SLC41A2: variants seen among roughly 807,000 people sequenced by gnomAD.
SLC41A2 encodes solute carrier family 41 member 2, also known as SLC41A1-like 1.
In SLC41A2, 32 loss-of-function variants were observed where a neutral mutation model predicts 58.3. The ratio of observed to expected loss-of-function variants is 0.55; its 90% CI spans 0.41 to 0.74. The LOEUF is 0.74. Among genes scored for constraint, SLC41A2 ranks in the 30% least tolerant of loss-of-function variants. SLC41A2 has a pLI of 0.00. For synonymous variants in SLC41A2, 190 were observed against 235.0 expected (o/e 0.81, Z 1.75); for missense variants, 514 against 680.6 (o/e 0.76, Z 2.72).
chr12:104,938,686 TAC>T (rs1302159219), intron 1 of SLC41A2, among the ~76,000 whole-genome samples: 2 of 152,072 alleles, frequency 1.3e-5, no homozygotes, highest in Non-Finnish European at 2.9e-5. Flanking sequence ...ATCAACAGGG[TAC>T]ACATAACAGG....
intron 1 of SLC41A2, among the ~76,000 whole-genome samples, chr12:104,933,577 C>T (rs187668114): frequency 3.4e-5 from 5 of 149,134 alleles, no homozygotes; most frequent in East Asian, 4.2e-4. Context: ...GACACTTGCA[C>T]GCGTATGTTT....
intron 2 of SLC41A2, among the ~76,000 whole-genome samples, chr12:104,925,959 T>C (rs893689401): frequency 3.9e-5 from 6 of 152,206 alleles, no homozygotes; most frequent in Admixed American, 3.9e-4. Flanking sequence ...CTCTCTTTGG[T>C]ATTATTATCT....
At chr12:104,908,655 T>G (rs192260295) in intron 3 of SLC41A2, among the ~76,000 whole-genome samples, 38 of 152,320 alleles carry the variant, frequency 2.5e-4, no homozygotes, top group African/African-American at 8.4e-4. Context: ...AGCTACGTGG[T>G]TTTAACCATA....
At chr12:104,811,437 T>A (rs1317444971) in intron 10 of SLC41A2, among the ~76,000 whole-genome samples, 1 of 152,188 alleles carries the variant, frequency 6.6e-6, no homozygotes, top group African/African-American at 2.4e-5. Context: ...AAAACTATGT[T>A]GTTTATAGAT....
chr12:104,912,091 G>A (rs2046112828), intron 2 of SLC41A2, among the ~76,000 whole-genome samples: 1 of 152,180 alleles, frequency 6.6e-6, no homozygotes, highest in African/African-American at 2.4e-5. Flanking sequence ...AGATAGGTAT[G>A]ATTTTTATCA....
chr12:104,900,545 G>A (rs1213968978), intron 3 of SLC41A2, among the ~76,000 whole-genome samples: 2 of 152,182 alleles, frequency 1.3e-5, no homozygotes, highest in African/African-American at 4.8e-5. Context: ...CAGAAATGGG[G>A]AGGAAAACCT....
At chr12:104,832,368 A>G (rs1463842408) in intron 10 of SLC41A2, among the ~76,000 whole-genome samples, 1 of 152,224 alleles carries the variant, frequency 6.6e-6, no homozygotes, top group Non-Finnish European at 1.5e-5. Context: ...AGCCAATTCA[A>G]GGATATGACT....
At position 104,928,381 on chromosome 12, in the gene SLC41A2, A is replaced by C. The variant is rs773824319; in HGVS notation, c.147T>G (p.Ile49Met). The C allele has an allele frequency of 8.2e-6, 13 of 1,587,046 alleles. No individual in the cohort carries two copies. The highest frequency in any genetic ancestry group is 1.1e-5 in the Non-Finnish European group (13 of 1,164,696). Residue 49 changes from isoleucine to methionine, a missense_variant, in exon 2 of 11, where the codon ATT becomes ATG. This residue lies in a region of SLC41A2 where 336 missense variants were observed against 430.0 expected (regional missense o/e 0.78). Transcript: ENST00000258538. ...GCCTGTCTTCTTGGTTTTTCTGGTAAATCACTGGAACCATACTCAAGAGTA... is the reference window on the plus strand; with the variant it reads ...GCCTGTCTTCTTGGTTTTTCTGGTACATCACTGGAACCATACTCAAGAGTA... Reference protein sequence around the residue: ...LNLLLSMVPVIYQKNQEDRHK... With the variant: ...LNLLLSMVPVMYQKNQEDRHK...
intron 3 of SLC41A2, among the ~76,000 whole-genome samples, chr12:104,899,132 G>A (rs1490303688): frequency 6.6e-6 from 1 of 151,844 alleles, no homozygotes; most frequent in Non-Finnish European, 1.5e-5. Context: ...TTTTTTTATA[G>A]TTACTAGTTC....
chr12:104,901,022 TA>T (rs1388328159), intron 3 of SLC41A2, among the ~76,000 whole-genome samples: 1 of 152,184 alleles, frequency 6.6e-6, no homozygotes, highest in Non-Finnish European at 1.5e-5. Flanking sequence ...GGCTCAAAAA[TA>T]TTTTTGCAAT....
intron 1 of SLC41A2, among the ~76,000 whole-genome samples, chr12:104,930,990 G>T (rs1237554422): frequency 2.0e-5 from 3 of 152,168 alleles, no homozygotes; most frequent in African/African-American, 4.8e-5. Flanking sequence ...TGCAGAGATG[G>T]ATACTCAACC....
At chr12:104,878,297 TTTTATATATATA>T (rs2135582690) in intron 6 of SLC41A2, among the ~76,000 whole-genome samples, 1 of 64,146 alleles carries the variant, frequency 1.6e-5, no homozygotes, top group East Asian at 5.4e-4. Flanking sequence ...TATACCTGTA[TTTTATATATATA>T]TATATATATA....
chr12:104,957,463 G>C (rs1307310920), intron 1 of SLC41A2, among the ~76,000 whole-genome samples: 3 of 152,022 alleles, frequency 2.0e-5, no homozygotes, highest in Non-Finnish European at 4.4e-5. Flanking sequence ...AAAACTCTGT[G>C]AATATATTAA....
chr12:104,957,160 C>T (rs577816134), intron 1 of SLC41A2, among the ~76,000 whole-genome samples: 1 of 149,476 alleles, frequency 6.7e-6, no homozygotes, highest in Admixed American at 6.8e-5. Context: ...GATGAATAAA[C>T]AAATGTGGTA....
chr12:104,841,781 G>C (rs760230722), intron 10 of SLC41A2, among the ~76,000 whole-genome samples: 2 of 152,046 alleles, frequency 1.3e-5, no homozygotes, highest in African/African-American at 2.4e-5. Context: ...GGAATTAGCA[G>C]GGAAGCTCCT....
chr12:104,829,308 T>A (rs1401385686), intron 10 of SLC41A2, among the ~76,000 whole-genome samples: 1 of 152,164 alleles, frequency 6.6e-6, no homozygotes, highest in East Asian at 1.9e-4. Flanking sequence ...GGACTACTAC[T>A]CAGCAATAAA....
chr12:104,879,801 A>C (rs1429773193), intron 6 of SLC41A2, among the ~76,000 whole-genome samples: 1 of 152,026 alleles, frequency 6.6e-6, no homozygotes, highest in Non-Finnish European at 1.5e-5. Flanking sequence ...TTCCATATGA[A>C]CTTTAAAGTA....
intron 10 of SLC41A2, among the ~76,000 whole-genome samples, chr12:104,811,271 T>TATC (rs1443082125): frequency 2.0e-5 from 3 of 152,206 alleles, no homozygotes; most frequent in African/African-American, 7.2e-5. Flanking sequence ...CAAAAAATTG[T>TATC]ATCTATTGAC....
At chr12:104,871,550 G>A (rs2043776292) in intron 6 of SLC41A2, among the ~76,000 whole-genome samples, 1 of 152,166 alleles carries the variant, frequency 6.6e-6, no homozygotes, top group Admixed American at 6.5e-5. Context: ...TTCTAGCCAT[G>A]TGTTGCCATT....
Sources: gnomAD v4.1 joint callset for allele counts (sites outside exome capture counted in the v4.1 genomes callset) on GRCh38, gnomAD v4.1.1 for gene constraint, gnomAD v4.1.1 regional missense constraint, MANE v1.5 for transcripts, NCBI Gene and HGNC (gene_info 2026-07-23, HGNC 2026-07-21) for gene names.